LONRF1: variants seen among roughly 807,000 people sequenced by gnomAD.
LONRF1 encodes LON peptidase N-terminal domain and ring finger 1, also known as LON peptidase N-terminal domain and RING finger protein 1.
Under a neutral mutation model 85.8 loss-of-function variants are expected in LONRF1, and 37 were observed. That is an observed-to-expected ratio of 0.43 (90% confidence interval 0.33 to 0.57). The LOEUF (loss-of-function observed/expected upper bound fraction) is 0.57. Among genes scored for constraint, LONRF1 ranks in the 20% least tolerant of loss-of-function variants. The probability of loss-of-function intolerance (pLI) is 0.04; values close to 1 mark genes in which losing one functional copy is unlikely to be tolerated. For missense variants in LONRF1, 1,036 were observed against 978.0 expected, an observed-to-expected ratio of 1.06 and a Z score of -0.79; for synonymous variants, 517 against 390.1, an observed-to-expected ratio of 1.33 and a Z score of -3.83.
chr8:12,736,148 C>G (rs566918655), intron 6 of LONRF1, among the ~76,000 whole-genome samples: 216 of 152,212 alleles, frequency 1.4e-3, no homozygotes, highest in Non-Finnish European at 2.3e-3. Flanking sequence ...AGCACTAGGC[C>G]TCCTGACCCC....
chr8:12,744,822 G>C (rs1232591470), intron 1 of LONRF1, among the ~76,000 whole-genome samples: 1 of 152,184 alleles, frequency 6.6e-6, no homozygotes, highest in Non-Finnish European at 1.5e-5. Flanking sequence ...CTCCGCTCTA[G>C]TACCTCCAGC....
At chr8:12,745,568 G>A (rs1043203196) in intron 1 of LONRF1, among the ~76,000 whole-genome samples, 2 of 152,192 alleles carry the variant, frequency 1.3e-5, no homozygotes, top group African/African-American at 2.4e-5. Flanking sequence ...AGTATTTACT[G>A]TATGCTCTCT....
At position 12,729,191 on chromosome 8, in the gene LONRF1, G is replaced by C; in HGVS notation, c.1830C>G (p.Val610=). Residue 610 remains valine, a synonymous_variant, in exon 9 of 12, where the codon GTC becomes GTG. Coordinates refer to ENST00000398246, the MANE Select transcript of LONRF1 (RefSeq NM_152271.5). ...AAGCATACCTATTTTGTGTATCACT[G>C]ACACACATGCCAAACTGTTTGGTTC... is the stretch of plus-strand genomic sequence containing the variant. ...QTGTKQFGMC[V]SDTQNSFADY... 1.2e-6 allele frequency: 2 copies of C among 1,613,866 alleles called. No homozygotes were observed. The highest frequency in any genetic ancestry group is 1.7e-6 in the Non-Finnish European group (2 of 1,179,854).
At chr8:12,746,560 C>A (rs1288780788) in intron 1 of LONRF1, among the ~76,000 whole-genome samples, 1 of 152,222 alleles carries the variant, frequency 6.6e-6, no homozygotes, top group African/African-American at 2.4e-5. Context: ...CTCTTCCACC[C>A]ACTCACTGTG....
rs180894203 is a variant in LONRF1 at position 12,745,435 on chromosome 8, C to T, written c.722-2153G>A. Among the ~76,000 whole-genome samples, 405 of 151,156 alleles carry T rather than the reference C, an allele frequency of 2.7e-3. 3 individuals are homozygous for T. Among genetic ancestry groups the T allele is most frequent in the Non-Finnish European group, 4.3e-3 (295 of 67,916 alleles). ...ATCTCAAATTCTTAAGCGCCAAGTG[C>T]GCTAAATGAGCCCCTTTGAAAAGCA... On this transcript the variant is annotated intron_variant, in intron 1 of 11. Coordinates refer to ENST00000398246, the MANE Select transcript of LONRF1 (RefSeq NM_152271.5).
chr8:12,743,937 T>C (rs544217846), intron 1 of LONRF1, among the ~76,000 whole-genome samples: 1 of 152,168 alleles, frequency 6.6e-6, no homozygotes, highest in Non-Finnish European at 1.5e-5. Flanking sequence ...ATCATCCACA[T>C]CTGTACTTAA....
intron 1 of LONRF1, chr8:12,753,445 G>T (rs1046622586): frequency 6.6e-6 from 1 of 151,998 alleles, no homozygotes. Context: ...CTTGAAATAC[G>T]CGTAACACAA....
In LONRF1 at chr8:12,749,222, T is replaced by A. The variant is rs555511658; in HGVS notation, c.721+5478A>T. On this transcript the variant is annotated intron_variant, in intron 1 of 11. Transcript: ENST00000398246. ...TGATACAAGATACAGAAGAGTATTT[T>A]CTACCTTGTCTTTTACCCACATAAA... is the stretch of plus-strand genomic sequence containing the variant. Among the ~76,000 whole-genome samples the A allele has an allele frequency of 8.3e-4, 126 of 152,314 alleles. 1 individual carries two copies. The highest frequency in any genetic ancestry group is 2.9e-3 in the African/African-American group (122 of 41,560).
chr8:12,752,581 G>C (rs955614199), intron 1 of LONRF1, among the ~76,000 whole-genome samples: 1 of 152,004 alleles, frequency 6.6e-6, no homozygotes, highest in Non-Finnish European at 1.5e-5. Context: ...TTGCTAAGTG[G>C]GCAAAATCCT....
chr8:12,750,532 A>T (rs2117346540), intron 1 of LONRF1, among the ~76,000 whole-genome samples: 1 of 152,358 alleles, frequency 6.6e-6, no homozygotes, highest in East Asian at 1.9e-4. Context: ...CTCTCAAAAT[A>T]TTTTATCATA....
chr8:12,750,477 GAAC>G (rs777208585), intron 1 of LONRF1, among the ~76,000 whole-genome samples: 3 of 152,102 alleles, frequency 2.0e-5, no homozygotes, highest in Admixed American at 6.5e-5. Flanking sequence ...TGATAAAATA[GAAC>G]AATATAACAA....
Position 12,724,430 on chromosome 8 carries a change from A to T in LONRF1, c.2164-1176T>A, listed in dbSNP as rs535300388. On this transcript the variant is annotated intron_variant, in intron 11 of 11. Coordinates refer to ENST00000398246, the MANE Select transcript of LONRF1 (RefSeq NM_152271.5). ...AGAAGCACGCTGTTGGCTGTTTCTG[A>T]TGCAGGATCTCTGGTGGCAGATTCC... Among the ~76,000 whole-genome samples the T allele has an allele frequency of 9.8e-5, 15 of 152,338 alleles. No individual in the cohort carries two copies. The South Asian group carries it at 2.7e-3, about 27-fold the overall frequency.
chr8:12,745,204 C>T (rs1055177682), intron 1 of LONRF1, among the ~76,000 whole-genome samples: 1 of 151,846 alleles, frequency 6.6e-6, no homozygotes, highest in Non-Finnish European at 1.5e-5. Context: ...AGAGAAGATG[C>T]ACGCCCTAAG....
rs1382144550 is a variant in LONRF1, at chr8:12,740,994, G to T, written c.843C>A (p.Val281=). The T allele has an allele frequency of 6.2e-7, 1 of 1,612,480 alleles. No homozygotes were observed. The highest frequency in any genetic ancestry group is 1.1e-5 in the South Asian group (1 of 90,988). The change falls in exon 3 of 12, where the codon GTC becomes GTA. Residue 281 remains valine, a splice_region_variant and synonymous_variant. Transcript: ENST00000398246. ...VLFQLPDWPE[V]YFRKGKVLCD... The stretch of plus-strand genomic sequence containing the variant: ...AGAGTACTTTTCCTTTCCTGAAGTA[G>T]ACCTTTAATAAAAGCAGATATATAA...
chr8:12,729,407 G>C (rs968874467), intron 8 of LONRF1, 75 bp from the exon 9 acceptor site: 3 of 1,432,748 alleles, frequency 2.1e-6, no homozygotes, highest in South Asian at 1.2e-5. Context: ...AAATGAGTGA[G>C]GTTTATAACA....
At chr8:12,754,533 C>G (rs1799551173) in intron 1 of LONRF1, among the ~76,000 whole-genome samples, 167 bp downstream of exon 1, 1 of 151,932 alleles carries the variant, frequency 6.6e-6, no homozygotes, top group African/African-American at 2.4e-5. Context: ...CCCCGGGGCG[C>G]CGCCCCCTCC....
chr8:12,732,789 AG>A (rs1798576461), intron 7 of LONRF1, among the ~76,000 whole-genome samples: 2 of 152,330 alleles, frequency 1.3e-5, no homozygotes, highest in South Asian at 4.1e-4. Flanking sequence ...TGCTTAGGGT[AG>A]GGCCAGGGAC....
chr8:12,735,421 T>A, intron 6 of LONRF1, 21 bp from the exon 7 acceptor site: 1 of 1,481,478 alleles, frequency 6.8e-7, no homozygotes, highest in Non-Finnish European at 9.4e-7. Context: ...CCAAGATACA[T>A]GTTAGTTTTC....
chr8:12,741,708 T>G (rs534446483), intron 2 of LONRF1, among the ~76,000 whole-genome samples: 4 of 152,258 alleles, frequency 2.6e-5, no homozygotes, highest in African/African-American at 9.6e-5. Flanking sequence ...GTCTTAGATT[T>G]AGGGCAGTAT....
Sources: allele counts gnomAD v4.1 joint callset (sites outside exome capture counted in the v4.1 genomes callset), GRCh38; gene constraint gnomAD v4.1.1; transcripts MANE v1.5; gene names NCBI Gene and HGNC (gene_info 2026-07-23, HGNC 2026-07-21).